Variants in ITGA9 observed in about 807,000 individuals in gnomAD.
ITGA9 encodes the protein integrin subunit alpha 9, also known as integrin alpha-9.
Under a neutral mutation model 127.8 loss-of-function variants are expected in ITGA9, and 56 were observed. The observed-to-expected ratio is 0.44, with a 90% CI of 0.35 to 0.55. The LOEUF is 0.55. ITGA9 is among the 20% of genes least tolerant of loss of function. ITGA9 has a pLI of 0.00. For missense variants in ITGA9, 1,196 were observed against 1,347.1 expected, an observed-to-expected ratio of 0.89 and a Z score of 1.76; for synonymous variants, 508 against 514.5, an observed-to-expected ratio of 0.99 and a Z score of 0.17.
chr3:37,546,468 T>C (rs1179216771), intron 15 of ITGA9, among the ~76,000 whole-genome samples: 1 of 152,258 alleles, frequency 6.6e-6, no homozygotes, highest in Non-Finnish European at 1.5e-5. Context: ...GCCCTGGCCA[T>C]GCTCTGCTTT....
At chr3:37,480,630 A>AG (rs907965305) in intron 3 of ITGA9, among the ~76,000 whole-genome samples, 3 of 152,244 alleles carry the variant, frequency 2.0e-5, no homozygotes, top group Admixed American at 6.5e-5. Context: ...CCATAAAAAA[A>AG]CAACTCTCCA....
intron 15 of ITGA9, among the ~76,000 whole-genome samples, chr3:37,621,443 C>T (rs1270318682): frequency 6.6e-6 from 1 of 152,236 alleles, no homozygotes; most frequent in Non-Finnish European, 1.5e-5. Flanking sequence ...ATGCCGGTAC[C>T]TGGCCACTGC....
chr3:37,665,307 C>G (rs928181367), intron 17 of ITGA9, among the ~76,000 whole-genome samples: 4 of 151,884 alleles, frequency 2.6e-5, no homozygotes. Context: ...TTTCTGGAAT[C>G]TCTGGCTATA....
chr3:37,582,371 G>A (rs1699717789), intron 15 of ITGA9, among the ~76,000 whole-genome samples: 1 of 152,204 alleles, frequency 6.6e-6, no homozygotes, highest in South Asian at 2.1e-4. Flanking sequence ...GAGGTCATTT[G>A]TCTTGTTTAA....
chr3:37,464,662 C>T (rs1262987418), intron 1 of ITGA9, among the ~76,000 whole-genome samples: 1 of 152,196 alleles, frequency 6.6e-6, no homozygotes, highest in Non-Finnish European at 1.5e-5. Context: ...TACACTTTAT[C>T]ACCATGCATA....
chr3:37,709,715 G>C (rs184600812), intron 18 of ITGA9, among the ~76,000 whole-genome samples: 17 of 152,326 alleles, frequency 1.1e-4, no homozygotes, highest in Admixed American at 2.0e-4. Flanking sequence ...TCCTTGTATG[G>C]GAACATCATC....
intron 27 of ITGA9, among the ~76,000 whole-genome samples, chr3:37,813,594 A>G (rs1229499817): frequency 2.6e-5 from 4 of 152,240 alleles, no homozygotes; most frequent in African/African-American, 9.6e-5. Flanking sequence ...TTGTGCCTCT[A>G]GGGCATTTAG....
intron 17 of ITGA9, among the ~76,000 whole-genome samples, chr3:37,674,362 G>A (rs1278500692): frequency 1.3e-5 from 2 of 152,236 alleles, no homozygotes; most frequent in East Asian, 3.8e-4. Context: ...CCTGAATGCT[G>A]TTGTACCTTG....
At chr3:37,768,009 C>T (rs1180816983) in intron 23 of ITGA9, among the ~76,000 whole-genome samples, 1 of 152,146 alleles carries the variant, frequency 6.6e-6, no homozygotes, top group Non-Finnish European at 1.5e-5. Flanking sequence ...AGTAAATGAA[C>T]AGAGCCTGTG....
At chr3:37,562,454 C>T (rs866638677) in intron 15 of ITGA9, among the ~76,000 whole-genome samples, 3 of 152,134 alleles carry the variant, frequency 2.0e-5, no homozygotes, top group Non-Finnish European at 2.9e-5. Flanking sequence ...AGATACTTTT[C>T]TAACCATGCC....
intron 17 of ITGA9, among the ~76,000 whole-genome samples, chr3:37,679,210 TTAAAA>T (rs1700711484): frequency 6.6e-6 from 1 of 151,672 alleles, no homozygotes; most frequent in South Asian, 2.1e-4. Flanking sequence ...CACAAGCAAA[TTAAAA>T]TAAAAAGGGA....
At chr3:37,718,726 T>C (rs1701159686) in intron 18 of ITGA9, among the ~76,000 whole-genome samples, 1 of 152,198 alleles carries the variant, frequency 6.6e-6, no homozygotes, top group Non-Finnish European at 1.5e-5. Flanking sequence ...TTTAACTTGA[T>C]TGTCCATCAG....
In ITGA9 at chr3:37,674,137, T is replaced by C. The variant is rs192839453; in HGVS notation, c.1917-9728T>C. On this transcript the variant is annotated intron_variant, in intron 17 of 27. Coordinates refer to ENST00000264741, the MANE Select transcript of ITGA9 (RefSeq NM_002207.3). ...GTGGTTTTGAGAATGGGCTTTTATA[T>C]TATTTGGCGTAGATTATTAAAGAAC... Among the ~76,000 whole-genome samples the C allele has an allele frequency of 2.6e-5, 4 of 152,300 alleles. No homozygotes were observed. In the East Asian group the frequency reaches 7.7e-4, roughly 29 times the overall value.
chr3:37,591,436 C>T (rs1469201383), intron 15 of ITGA9, among the ~76,000 whole-genome samples: 1 of 152,174 alleles, frequency 6.6e-6, no homozygotes, highest in Non-Finnish European at 1.5e-5. Flanking sequence ...CTGAGTGCCC[C>T]CCTGGCTGTA....
chr3:37,636,650 A>G (rs1320994396), intron 16 of ITGA9, among the ~76,000 whole-genome samples: 2 of 152,264 alleles, frequency 1.3e-5, no homozygotes, highest in East Asian at 3.9e-4. Context: ...GATCCCATTT[A>G]TCAATTTTGG....
Position 37,653,698 on chromosome 3 carries a change from CCTGT to C in ITGA9, c.1840-13_1840-10del. 6.2e-7 allele frequency: 1 copy of C among 1,602,734 alleles called. No homozygotes were observed. Among genetic ancestry groups the C allele is most frequent in the Non-Finnish European group, 8.5e-7 (1 of 1,169,710 alleles). On this transcript the variant is annotated splice_polypyrimidine_tract_variant and intron_variant, in intron 16 of 27. Coordinates refer to ENST00000264741, the MANE Select transcript of ITGA9 (RefSeq NM_002207.3). Reference sequence around the variant, plus strand: ...CTCAATCCTGCCCTAACCTTCCTCTCCTGTCTTTCTCACAGACTGTTTTTGAAAG... The same window carrying C: ...CTCAATCCTGCCCTAACCTTCCTCTCCTTTCTCACAGACTGTTTTTGAAAG...
At chr3:37,465,212 C>T (rs1199712638) in intron 1 of ITGA9, among the ~76,000 whole-genome samples, 1 of 152,156 alleles carries the variant, frequency 6.6e-6, no homozygotes, top group Non-Finnish European at 1.5e-5. Context: ...GAGGCAGCTG[C>T]GGCTCAGTCC....
intron 1 of ITGA9, among the ~76,000 whole-genome samples, chr3:37,459,500 A>G (rs1698294595): frequency 6.6e-6 from 1 of 152,346 alleles, no homozygotes; most frequent in East Asian, 1.9e-4. Context: ...TTCATAGGTT[A>G]TATCCTCATG....
At chr3:37,811,644 GGAGA>G (rs1220196106) in intron 27 of ITGA9, among the ~76,000 whole-genome samples, 4 of 152,162 alleles carry the variant, frequency 2.6e-5, no homozygotes, top group Admixed American at 2.0e-4. Flanking sequence ...ACTCAGTGAA[GGAGA>G]GAGACCATAT....
Sources: gnomAD v4.1 joint callset for allele counts (sites outside exome capture counted in the v4.1 genomes callset) on GRCh38, gnomAD v4.1.1 for gene constraint, MANE v1.5 for transcripts, NCBI Gene and HGNC (gene_info 2026-07-23, HGNC 2026-07-21) for gene names.